Variants in QRICH2 observed in about 807,000 individuals in gnomAD.
QRICH2 encodes the protein glutamine rich 2, also known as glutamine-rich protein 2.
QRICH2 carries 119 observed loss-of-function variants against 168.3 expected under a neutral mutation model. The ratio of observed to expected loss-of-function variants is 0.71; its 90% confidence interval spans 0.61 to 0.82. The LOEUF (loss-of-function observed/expected upper bound fraction) is 0.82, where lower values mean the gene tolerates loss of function less well. Among genes scored for constraint, QRICH2 ranks in the 40% least tolerant of loss-of-function variants. The probability of loss-of-function intolerance (pLI) is 0.00; values close to 1 mark genes in which losing one functional copy is unlikely to be tolerated. For missense variants in QRICH2, 2,241 were observed against 2,491.6 expected (o/e 0.90, Z 2.14); for synonymous variants, 894 against 951.2 (o/e 0.94, Z 1.11).
Position 76,298,181 on chromosome 17 carries a change from A to ATTTTTTTT in QRICH2, c.706-4168_706-4161dup, listed in dbSNP as rs1244588706. ...GCCACGCTGCCTGGCTTTCTGGCTA[A>ATTTTTTTT]TTTTTTTTTTTTTTTTTTTTGAGAC... is the stretch of plus-strand genomic sequence containing the variant. On this transcript the variant is annotated intron_variant, in intron 3 of 18. Transcript: ENST00000680821. Among the ~76,000 whole-genome samples, 29 of 84,246 alleles carry ATTTTTTTT rather than the reference A, an allele frequency of 3.4e-4. 3 individuals carry two copies. Among genetic ancestry groups the ATTTTTTTT allele is most frequent in the African/African-American group, 1.3e-3 (25 of 18,542 alleles). 55.3% of individuals were successfully genotyped at this position (84,246 alleles called of 152,430 possible). A position where few individuals can be genotyped will look rare whatever the true frequency, so the allele number is the denominator to read the frequency against.
In QRICH2 at chr17:76,292,017, G is replaced by T. The variant is rs1446202979; in HGVS notation, c.2710C>A (p.Pro904Thr). The T allele has an allele frequency of 6.2e-7, 1 of 1,614,236 alleles. No homozygotes were observed. The highest frequency in any genetic ancestry group is 8.5e-7 in the Non-Finnish European group (1 of 1,180,040). The change falls in exon 4 of 19, where the codon CCT (proline) becomes ACT (threonine). Residue 904 changes from proline (P) to threonine (T), a missense_variant. By Grantham distance (38) the Pro-to-Thr change is conservative (BLOSUM62 -1). Transcript: ENST00000680821. The part of the protein sequence containing the change: ...PGADQPGLVQ[P>T]GAGQLGMVQP... ...ACCATACCCAGCTGACCTGCACCAGGCTGGACCAAACCAGGCTGATCTGCA... is the reference window on the plus strand; with the variant it reads ...ACCATACCCAGCTGACCTGCACCAGTCTGGACCAAACCAGGCTGATCTGCA...
chr17:76,307,616 G>A lies in QRICH2; in HGVS notation c.383C>T (p.Ala128Val), dbSNP rs1181228390. Residue 128 changes from alanine to valine, a missense_variant, in exon 1 of 19, where the codon GCC becomes GTC. Physicochemically the swap from Ala to Val is moderately conservative, Grantham distance 64. Around this residue, in one of 3 missense-constraint regions of QRICH2, gnomAD observed 2,047 missense variants for 2,303.8 expected, o/e 0.89. Transcript: ENST00000680821. This position sits in a 1 kb window ranked among gnomAD's most constrained non-coding sequence, Gnocchi z 5.3. Reference sequence around the variant, plus strand: ...CTGGGAGAAGTGCTGCACGTGCGTGGCGATGCCCTGCACCTGGCCGTCCAC... The same window carrying A: ...CTGGGAGAAGTGCTGCACGTGCGTGACGATGCCCTGCACCTGGCCGTCCAC... The part of the protein sequence containing the change: ...KRVDGQVQGI[A>V]THVQHFSQAS... 1 of 1,525,326 alleles carries A rather than the reference G, an allele frequency of 6.6e-7. No homozygotes were observed. Among genetic ancestry groups the A allele is most frequent in the Admixed American group, 2.0e-5 (1 of 48,994 alleles). The allele number at this position is 1,525,326 out of a possible 1,614,324, so 94.5% of individuals were successfully genotyped here.
chr17:76,279,788 A>G (rs2070753071), intron 12 of QRICH2, among the ~76,000 whole-genome samples: 2 of 152,338 alleles, frequency 1.3e-5, no homozygotes, highest in South Asian at 4.1e-4. Flanking sequence ...CCAAAGGCCC[A>G]GCTTAGCTCA....
Position 76,280,211 on chromosome 17 carries a change from C to A in QRICH2, c.4627-57G>T. On this transcript the variant is annotated intron_variant, in intron 11 of 18. Transcript: ENST00000680821. The surrounding 1 kb of genome is among the most constrained non-coding windows in gnomAD (Gnocchi z 7.4). The stretch of plus-strand genomic sequence containing the variant: ...CTAAGGAAGCAGGTAGGGGGCTGAC[C>A]CAGGAGAAGGTGGTGCTGTCCCGAT... 1 of 1,607,034 alleles carries A rather than the reference C, an allele frequency of 6.2e-7. No homozygotes were observed. The highest frequency in any genetic ancestry group is 1.1e-5 in the South Asian group (1 of 90,380).
intron 15 of QRICH2, 70 bp from the exon 16 acceptor site, chr17:76,277,380 A>G: frequency 6.5e-7 from 1 of 1,549,552 alleles, no homozygotes; most frequent in South Asian, 1.2e-5. Context: ...TCACCCACCC[A>G]TGGGGCTGAC....
intron 14 of QRICH2, 67 bp from the exon 15 acceptor site, chr17:76,278,256 G>A (rs958586193): frequency 6.4e-5 from 97 of 1,511,164 alleles, no homozygotes; most frequent in Middle Eastern, 2.2e-4. Flanking sequence ...TGTGTAAGCC[G>A]AATCCTTCAG....
intron 3 of QRICH2, among the ~76,000 whole-genome samples, chr17:76,298,459 A>G (rs2070840359): frequency 6.6e-6 from 1 of 152,018 alleles, no homozygotes; most frequent in Non-Finnish European, 1.5e-5. Context: ...GATTACAGGC[A>G]TGAGCCACTG....
In QRICH2 at chr17:76,275,807, G is replaced by A. The variant is rs1393864134; in HGVS notation, c.5482+12C>T. The A allele has an allele frequency of 4.4e-6, 7 of 1,603,732 alleles. No homozygotes were observed. The highest frequency in any genetic ancestry group is 5.9e-6 in the Non-Finnish European group (7 of 1,179,388). On this transcript the variant is annotated intron_variant, in intron 18 of 18. Coordinates refer to ENST00000680821, the MANE Select transcript of QRICH2 (RefSeq NM_001388453.1). ...GAGGCCTGGCAGGACGCCCCACCCA[G>A]AGGGAAGCTACCTGAGGTGTTGCCA...
chr17:76,309,414 A>G (rs2071044311), upstream of QRICH2: 1 of 152,002 alleles, frequency 6.6e-6, no homozygotes, highest in South Asian at 2.1e-4. Flanking sequence ...CCTGTGCTTG[A>G]GCTCATTACA....
chr17:76,282,686 G>C (rs2070811773), intron 7 of QRICH2, among the ~76,000 whole-genome samples: 1 of 152,188 alleles, frequency 6.6e-6, no homozygotes, highest in Non-Finnish European at 1.5e-5. Flanking sequence ...AGGCTGCCCT[G>C]GTGTTCTCCT....
At chr17:76,294,182 T>C (rs747921150) in intron 3 of QRICH2, among the ~76,000 whole-genome samples, 161 bp from the exon 4 acceptor site, 14 of 152,084 alleles carry the variant, frequency 9.2e-5, no homozygotes, top group Non-Finnish European at 1.6e-4. Flanking sequence ...AACACACTGA[T>C]GGGAGGCCGA....
Position 76,274,168 on chromosome 17 carries a change from T to C in QRICH2, c.5575A>G (p.Asn1859Asp). The change falls in exon 19 of 19, where the codon AAC becomes GAC. Residue 1859 changes from asparagine (N) to aspartate (D), a missense_variant. Coordinates refer to ENST00000680821, the MANE Select transcript of QRICH2 (RefSeq NM_001388453.1). ...TCCACGTGCCTCTCCAGCCCCCTGTTTGCCACCGCGGCGGAGCTGGGCGGG... is the reference window on the plus strand; with the variant it reads ...TCCACGTGCCTCTCCAGCCCCCTGTCTGCCACCGCGGCGGAGCTGGGCGGG... ...AHPPSSAAVA[N>D]RGLERHVDMP... 9 of 1,583,604 alleles carry C rather than the reference T, an allele frequency of 5.7e-6. No homozygotes were observed. Among genetic ancestry groups the C allele is most frequent in the African/African-American group, 1.4e-5 (1 of 72,646 alleles).
upstream of QRICH2, chr17:76,308,481 G>A (rs1231458365): frequency 1.0e-6 from 1 of 985,366 alleles, no homozygotes; most frequent in Non-Finnish European, 1.2e-6. Flanking sequence ...TCTTGGCGGG[G>A]CCACATAAGG....
In QRICH2 at chr17:76,280,823, C is replaced by G. The variant is rs2070774432; in HGVS notation, c.4386+8G>C. On this transcript the variant is annotated splice_region_variant and intron_variant, in intron 9 of 18. Coordinates refer to ENST00000680821, the MANE Select transcript of QRICH2 (RefSeq NM_001388453.1). This position sits in a 1 kb window ranked among gnomAD's most constrained non-coding sequence, Gnocchi z 7.4. The stretch of plus-strand genomic sequence containing the variant: ...CGGCCCCATCCCAGCCACCCTGCGG[C>G]CGCTCACAGCAATGTCCTTCTGTTT... The G allele has an allele frequency of 6.2e-7, 1 of 1,613,986 alleles. No individual in the cohort carries two copies. The highest frequency in any genetic ancestry group is 8.5e-7 in the Non-Finnish European group (1 of 1,180,010).
rs751342887 is a variant in QRICH2, at chr17:76,291,665, T to C, written c.3062A>G (p.Gln1021Arg). The change falls in exon 4 of 19, where the codon CAG becomes CGG. Residue 1021 changes from glutamine to arginine, a missense_variant. Physicochemically the swap from Gln to Arg is conservative, Grantham distance 43 (BLOSUM62 1). Transcript: ENST00000680821. ...TTGACTGGCTAGGAGTGGTGACACCTGGCCGTATTGTTCTCTGCCAGGAGG... is the reference window on the plus strand; with the variant it reads ...TTGACTGGCTAGGAGTGGTGACACCCGGCCGTATTGTTCTCTGCCAGGAGG... ...MVPPGREQYGQVSPLLASQGL... is the reference protein window; with the variant it reads ...MVPPGREQYGRVSPLLASQGL... 16 of 1,614,094 alleles carry C rather than the reference T, an allele frequency of 9.9e-6. 1 individual carries two copies. In the Admixed American group the frequency reaches 1.0e-4, roughly 10 times the overall value.
upstream of QRICH2, chr17:76,308,456 C>A (rs2071024692): frequency 1.0e-6 from 1 of 985,394 alleles, no homozygotes. Context: ...CCTAGAAAGG[C>A]CAGGATTCAC....
chr17:76,294,120 G>A, intron 3 of QRICH2, 99 bp from the exon 4 acceptor site: 1 of 1,451,096 alleles, frequency 6.9e-7, no homozygotes, highest in Non-Finnish European at 9.2e-7. Flanking sequence ...ATGATTTAGG[G>A]CCCCTGGAGA....
intron 3 of QRICH2, among the ~76,000 whole-genome samples, chr17:76,300,037 G>C (rs1220678033): frequency 6.6e-6 from 1 of 151,986 alleles, no homozygotes; most frequent in Admixed American, 6.6e-5. Context: ...TCACCATGTT[G>C]GTCAGGATGG....
intron 16 of QRICH2, 41 bp from the exon 17 acceptor site, chr17:76,276,808 C>A (rs372385691): frequency 6.8e-7 from 1 of 1,472,096 alleles, no homozygotes; most frequent in Non-Finnish European, 9.4e-7. Flanking sequence ...GTAGCAGCCA[C>A]AGCCCTCCCC....
Sources: allele counts gnomAD v4.1 joint callset (sites outside exome capture counted in the v4.1 genomes callset), GRCh38; gene constraint gnomAD v4.1.1; regional missense constraint gnomAD v4.1.1; non-coding constraint Gnocchi (gnomAD v3.1); transcripts MANE v1.5; gene names NCBI Gene and HGNC (gene_info 2026-07-23, HGNC 2026-07-21).